DTNB: variants seen among roughly 807,000 people sequenced by gnomAD.
DTNB encodes the protein dystrobrevin beta.
In DTNB, 63 loss-of-function variants were observed where a neutral mutation model predicts 90.7. That is an observed-to-expected ratio of 0.69 (90% CI 0.57 to 0.86). The LOEUF (loss-of-function observed/expected upper bound fraction) is 0.86. Ranked by LOEUF, DTNB falls within the 40% of genes least tolerant of loss-of-function variation. DTNB has a pLI of 0.00. For missense variants in DTNB, 744 were observed against 807.1 expected (o/e 0.92, Z 0.95); for synonymous variants, 277 against 286.7 (o/e 0.97, Z 0.34).
intron 9 of DTNB, among the ~76,000 whole-genome samples, chr2:25,501,788 T>A (rs1021993376): frequency 6.6e-6 from 1 of 151,768 alleles, no homozygotes; most frequent in Admixed American, 6.6e-5. Context: ...AAGGCATGAG[T>A]CTTCAGAAAC....
chr2:25,550,252 G>A (rs940185529), intron 8 of DTNB, among the ~76,000 whole-genome samples: 8 of 152,080 alleles, frequency 5.3e-5, no homozygotes, highest in East Asian at 3.9e-4. Flanking sequence ...TAAGCCAGGC[G>A]TGGTGGCAGG....
intron 9 of DTNB, among the ~76,000 whole-genome samples, chr2:25,486,118 T>C (rs2066058952): frequency 7.8e-6 from 1 of 128,758 alleles, no homozygotes; most frequent in Non-Finnish European, 1.6e-5. Flanking sequence ...CAAGACTCCA[T>C]CTCAAAAAAA....
intron 6 of DTNB, among the ~76,000 whole-genome samples, chr2:25,591,011 G>A (rs2063463272): frequency 6.6e-6 from 1 of 152,234 alleles, no homozygotes; most frequent in Non-Finnish European, 1.5e-5. Context: ...GGGTGCTGAG[G>A]TGGCAGGGGG....
chr2:25,613,994 C>A (rs546129945), intron 4 of DTNB, among the ~76,000 whole-genome samples: 2 of 152,010 alleles, frequency 1.3e-5, no homozygotes, highest in African/African-American at 4.8e-5. Flanking sequence ...AATCACAACC[C>A]AGGGAGCTTT....
At chr2:25,450,300 AAG>A (rs1393683685) in intron 12 of DTNB, among the ~76,000 whole-genome samples, 4 of 152,146 alleles carry the variant, frequency 2.6e-5, no homozygotes, top group Admixed American at 6.5e-5. Context: ...TAAAAATAGA[AAG>A]AGTTTCCTTT....
intron 4 of DTNB, among the ~76,000 whole-genome samples, chr2:25,627,741 T>A (rs1040863654): frequency 6.6e-6 from 1 of 151,636 alleles, no homozygotes; most frequent in Non-Finnish European, 1.5e-5. Flanking sequence ...TTTTCCTTTT[T>A]TTTTTTTTTT....
intron 4 of DTNB, among the ~76,000 whole-genome samples, chr2:25,619,916 T>G (rs1051055201): frequency 1.3e-5 from 2 of 152,102 alleles, no homozygotes; most frequent in Admixed American, 6.5e-5. Flanking sequence ...GGTACACACC[T>G]GTAATCCCAG....
intron 2 of DTNB, among the ~76,000 whole-genome samples, chr2:25,645,474 C>A (rs569066436): frequency 4.6e-5 from 7 of 151,998 alleles, no homozygotes; most frequent in African/African-American, 1.7e-4. Context: ...CAGGGTCTCA[C>A]TCACCCAGGC....
At chr2:25,402,271 T>C (rs1250007378) in intron 16 of DTNB, among the ~76,000 whole-genome samples, 2 of 151,988 alleles carry the variant, frequency 1.3e-5, no homozygotes, top group East Asian at 1.9e-4. Context: ...GTTAAGACTA[T>C]TGGGAGTTAG....
At chr2:25,527,891 T>G (rs2077465323) in intron 9 of DTNB, among the ~76,000 whole-genome samples, 1 of 151,782 alleles carries the variant, frequency 6.6e-6, no homozygotes, top group South Asian at 2.1e-4. Flanking sequence ...GAGAGAATGC[T>G]CCCCCATTTT....
chr2:25,399,174 G>C (rs527246535), intron 16 of DTNB, among the ~76,000 whole-genome samples: 2 of 152,084 alleles, frequency 1.3e-5, no homozygotes, highest in South Asian at 4.2e-4. Context: ...TCAGCCTCCT[G>C]AGTAGCTGGG....
At chr2:25,607,839 C>G (rs1573330515) in intron 4 of DTNB, among the ~76,000 whole-genome samples, 2 of 152,260 alleles carry the variant, frequency 1.3e-5, no homozygotes, top group East Asian at 3.9e-4. Context: ...CGTGTTTATT[C>G]TAAGAAGCTC....
rs2086630653 is a variant in DTNB at position 25,673,551 on chromosome 2, T to C, written c.-167A>G. ...TTCGCAGCGCCCGGCTCGCGCCGCT[T>C]CTCCGCCCGGCACGCGCAGCGCCCG... On this transcript the variant is annotated 5_prime_UTR_variant, in exon 1 of 21. Transcript: ENST00000406818. 1 of 147,312 alleles carries C rather than the reference T, an allele frequency of 6.8e-6. No homozygotes were observed. Among genetic ancestry groups the C allele is most frequent in the Non-Finnish European group, 1.5e-5 (1 of 66,026 alleles). 9.1% of individuals were successfully genotyped at this position (147,312 alleles called of 1,614,324 possible).
chr2:25,556,175 T>C (rs1247503519), intron 8 of DTNB, among the ~76,000 whole-genome samples: 1 of 146,342 alleles, frequency 6.8e-6, no homozygotes, highest in African/African-American at 2.5e-5. Flanking sequence ...TCTCTCTTTT[T>C]TTTTTTTTTT....
chr2:25,427,390 A>T, intron 15 of DTNB, 145 bp downstream of exon 15: 1 of 684,438 alleles, frequency 1.5e-6, no homozygotes, highest in Non-Finnish European at 2.3e-6. Flanking sequence ...TTTTATACCC[A>T]ATTAGGCTAA....
At chr2:25,449,614 T>C (rs1401525265) in intron 12 of DTNB, among the ~76,000 whole-genome samples, 1 of 152,198 alleles carries the variant, frequency 6.6e-6, no homozygotes, top group Non-Finnish European at 1.5e-5. Flanking sequence ...CATATCTTCT[T>C]TGTGGAATAT....
chr2:25,531,666 A>G (rs2078230642), intron 8 of DTNB, 69 bp from the exon 9 acceptor site: 2 of 1,545,344 alleles, frequency 1.3e-6, no homozygotes, highest in African/African-American at 1.4e-5. Flanking sequence ...AAAAAAGAAA[A>G]AAACTTTGTG....
At chr2:25,645,910 T>C (rs2079333164) in intron 2 of DTNB, among the ~76,000 whole-genome samples, 1 of 152,032 alleles carries the variant, frequency 6.6e-6, no homozygotes, top group Admixed American at 6.6e-5. Flanking sequence ...CACAACCAAG[T>C]AGAGGGAAAC....
At chr2:25,520,952 T>C (rs1202261708) in intron 9 of DTNB, among the ~76,000 whole-genome samples, 6 of 152,226 alleles carry the variant, frequency 3.9e-5, no homozygotes, top group Non-Finnish European at 7.3e-5. Flanking sequence ...TTTGATGCAA[T>C]GTGCGGAGAA....
Sources: allele counts gnomAD v4.1 joint callset (sites outside exome capture counted in the v4.1 genomes callset), GRCh38; gene constraint gnomAD v4.1.1; transcripts MANE v1.5; gene names NCBI Gene and HGNC (gene_info 2026-07-23, HGNC 2026-07-21).